The following MECOM variants were observed in gnomAD, a reference collection of about 807,000 sequenced individuals.
The protein encoded by MECOM is histone-lysine N-methyltransferase MECOM.
MECOM carries 13 observed loss-of-function variants against 116.3 expected under a neutral mutation model. The ratio of observed to expected loss-of-function variants is 0.11; its 90% CI spans 0.07 to 0.18. The LOEUF is 0.18. Among genes scored for constraint, MECOM ranks in the 10% least tolerant of loss-of-function variants. The pLI is 1.00. For synonymous variants in MECOM, 528 were observed against 535.2 expected (o/e 0.99, Z 0.19); for missense variants, 1,299 against 1,509.0 (o/e 0.86, Z 2.31).
intron 1 of MECOM, among the ~76,000 whole-genome samples, chr3:169,506,540 A>G (rs1487811950): frequency 6.6e-6 from 1 of 151,650 alleles, no homozygotes; most frequent in African/African-American, 2.4e-5. Context: ...TTCATATTTC[A>G]TGCAGTCAAA....
At chr3:169,656,077 T>C (rs1775510537) in intron 1 of MECOM, among the ~76,000 whole-genome samples, 1 of 152,208 alleles carries the variant, frequency 6.6e-6, no homozygotes, top group Non-Finnish European at 1.5e-5. Context: ...GGGAACATGG[T>C]TTGCCCGTGC....
At chr3:169,299,899 A>G (rs775896656) in intron 2 of MECOM, among the ~76,000 whole-genome samples, 1 of 152,192 alleles carries the variant, frequency 6.6e-6, no homozygotes, top group Non-Finnish European at 1.5e-5. Flanking sequence ...TTCACTATGA[A>G]TGTGGATAAG....
intron 2 of MECOM, among the ~76,000 whole-genome samples, chr3:169,235,093 C>T (rs1436863133): frequency 1.3e-5 from 2 of 152,122 alleles, no homozygotes; most frequent in Admixed American, 6.6e-5. Flanking sequence ...ACAGTGCTTA[C>T]GCTATGATTT....
chr3:169,545,155 G>A (rs1472662102), intron 1 of MECOM, among the ~76,000 whole-genome samples: 1 of 152,166 alleles, frequency 6.6e-6, no homozygotes, highest in Admixed American at 6.5e-5. Context: ...GCTGCTAAAT[G>A]TTTTTGTTGT....
intron 1 of MECOM, among the ~76,000 whole-genome samples, chr3:169,577,003 TACTTTAG>T (rs143060405): frequency 6.6e-6 from 1 of 152,322 alleles, no homozygotes; most frequent in African/African-American, 2.4e-5. Flanking sequence ...TTGCTAACGC[TACTTTAG>T]ACATGGTTTA....
chr3:169,612,373 A>C (rs977539596), intron 1 of MECOM, among the ~76,000 whole-genome samples: 1 of 152,196 alleles, frequency 6.6e-6, no homozygotes, highest in East Asian at 1.9e-4. Flanking sequence ...TTACAAAAAA[A>C]TTTGAAAGGA....
At chr3:169,112,316 T>A (rs1229715192) in intron 9 of MECOM, among the ~76,000 whole-genome samples, 1 of 152,176 alleles carries the variant, frequency 6.6e-6, no homozygotes, top group Non-Finnish European at 1.5e-5. Flanking sequence ...TTTGCTGGAA[T>A]GCTCAGTGGT....
intron 1 of MECOM, among the ~76,000 whole-genome samples, chr3:169,533,324 C>T (rs1002463832): frequency 1.1e-4 from 17 of 152,108 alleles, no homozygotes; most frequent in Non-Finnish European, 1.8e-4. Flanking sequence ...CTCTTCCCTG[C>T]GGGCTCCAGG....
intron 1 of MECOM, among the ~76,000 whole-genome samples, chr3:169,413,235 C>T (rs1156565825): frequency 6.6e-6 from 1 of 152,176 alleles, no homozygotes; most frequent in Non-Finnish European, 1.5e-5. Flanking sequence ...CATTGCCTCA[C>T]CTGCAAAGCG....
intron 2 of MECOM, among the ~76,000 whole-genome samples, chr3:169,378,416 A>AG (rs774149194): frequency 9.8e-4 from 65 of 66,238 alleles, no homozygotes; most frequent in Non-Finnish European, 1.5e-3. Context: ...AAAGAAAGAA[A>AG]GAAAGAAAGA....
chr3:169,397,185 T>A (rs1577974721), intron 1 of MECOM, among the ~76,000 whole-genome samples: 1 of 152,252 alleles, frequency 6.6e-6, no homozygotes, highest in East Asian at 1.9e-4. Context: ...AATCTCTCAA[T>A]AAACACTTGT....
intron 1 of MECOM, among the ~76,000 whole-genome samples, chr3:169,518,174 G>T (rs1756899810): frequency 6.6e-6 from 1 of 151,926 alleles, no homozygotes; most frequent in African/African-American, 2.4e-5. Context: ...CAGGAGAATG[G>T]TGCGAACCCG....
At chr3:169,425,100 C>CCG (rs1553849467) in intron 1 of MECOM, among the ~76,000 whole-genome samples, 12 of 34,540 alleles carry the variant, frequency 3.5e-4, no homozygotes, top group African/African-American at 1.1e-3. Context: ...TTTGCAGAAA[C>CCG]CCCCCCCCAC....
intron 2 of MECOM, among the ~76,000 whole-genome samples, chr3:169,311,758 A>G (rs1350616166): frequency 6.6e-6 from 1 of 152,138 alleles, no homozygotes; most frequent in African/African-American, 2.4e-5. Flanking sequence ...ACAAGGATGG[A>G]GAGCAATATC....
intron 2 of MECOM, among the ~76,000 whole-genome samples, chr3:169,179,536 G>A (rs1309434752): frequency 6.6e-6 from 1 of 152,134 alleles, no homozygotes; most frequent in African/African-American, 2.4e-5. Context: ...AAAACAATAG[G>A]TGGGGCCTAC....
intron 1 of MECOM, among the ~76,000 whole-genome samples, chr3:169,639,697 A>T (rs890734057): frequency 6.6e-6 from 1 of 152,208 alleles, no homozygotes; most frequent in African/African-American, 2.4e-5. Context: ...AAAAGGAATA[A>T]ATTAAAACCA....
At chr3:169,526,658 G>A (rs969509864) in intron 1 of MECOM, among the ~76,000 whole-genome samples, 1 of 151,756 alleles carries the variant, frequency 6.6e-6, no homozygotes, top group Non-Finnish European at 1.5e-5. Context: ...TTATTTTTTT[G>A]TATCTGTACC....
rs1769270886 is a variant in MECOM at position 169,611,479 on chromosome 3, G to A, written c.37+51857C>T. ...AATGATGGAATAAACACCAACATGG[G>A]CAAACAAGCAAGTCAGGCAGTTGTG... On this transcript the variant is annotated intron_variant, in intron 1 of 16. Coordinates refer to ENST00000651503, the MANE Select transcript of MECOM (RefSeq NM_004991.4). The surrounding 1 kb of genome is among the most constrained non-coding windows in gnomAD (Gnocchi z 4.1). 6.6e-6 allele frequency among the ~76,000 whole-genome samples: 1 copy of A among 152,188 alleles called. No homozygotes were observed. Among genetic ancestry groups the A allele is most frequent in the Admixed American group, 6.5e-5 (1 of 15,272 alleles).
chr3:169,247,311 T>C (rs547855413), intron 2 of MECOM, among the ~76,000 whole-genome samples: 1 of 142,842 alleles, frequency 7.0e-6, no homozygotes, highest in East Asian at 2.1e-4. Flanking sequence ...ACTTTTTTTT[T>C]TCTTTTTTTT....
Sources: gnomAD v4.1 joint callset for allele counts (sites outside exome capture counted in the v4.1 genomes callset) on GRCh38, gnomAD v4.1.1 for gene constraint, Gnocchi (gnomAD v3.1) non-coding constraint, MANE v1.5 for transcripts, NCBI Gene and HGNC (gene_info 2026-07-23, HGNC 2026-07-21) for gene names.